Variants in ARHGAP19 observed in about 807,000 individuals in gnomAD.
ARHGAP19 encodes rho GTPase-activating protein 19.
Under a neutral mutation model 60.9 loss-of-function variants are expected in ARHGAP19, and 48 were observed. The ratio of observed to expected loss-of-function variants is 0.79; its 90% CI spans 0.62 to 1.00. The LOEUF (loss-of-function observed/expected upper bound fraction) is 1.00. Among genes scored for constraint, ARHGAP19 ranks in the 50% least tolerant of loss-of-function variants. The probability of loss-of-function intolerance (pLI) is 0.00; values close to 1 mark genes in which losing one functional copy is unlikely to be tolerated. For missense variants in ARHGAP19, 562 were observed against 597.2 expected (o/e 0.94, Z 0.61); for synonymous variants, 209 against 215.5 (o/e 0.97, Z 0.27).
chr10:97,265,729 T>G, intron 2 of ARHGAP19, 131 bp downstream of exon 2: 2 of 1,122,700 alleles, frequency 1.8e-6, no homozygotes, highest in Non-Finnish European at 2.5e-6. Flanking sequence ...GTGTTACTAC[T>G]TATAAAAACT....
chr10:97,268,626 G>GGCAAGAGA (rs1334222135), intron 1 of ARHGAP19, among the ~76,000 whole-genome samples: 1 of 152,182 alleles, frequency 6.6e-6, no homozygotes, highest in Non-Finnish European at 1.5e-5. Context: ...CGTGGCAGCA[G>GGCAAGAGA]GCAAGAGAGC....
At chr10:97,229,931 G>C in intron 9 of ARHGAP19, 57 bp from the exon 10 acceptor site, 1 of 1,242,822 alleles carries the variant, frequency 8.0e-7, no homozygotes, top group Non-Finnish European at 1.2e-6. Flanking sequence ...CTACAGTGGA[G>C]CTATACTAGC....
intron 1 of ARHGAP19, among the ~76,000 whole-genome samples, chr10:97,268,793 C>T (rs72835333): frequency 0.034 from 5,157 of 152,220 alleles, 148 homozygotes; most frequent in East Asian, 0.16. Flanking sequence ...GAATTCAAGA[C>T]GAGATTTGTG....
chr10:97,244,795 G>A (rs1468431202), intron 7 of ARHGAP19, among the ~76,000 whole-genome samples: 3 of 151,926 alleles, frequency 2.0e-5, no homozygotes, highest in South Asian at 2.1e-4. Flanking sequence ...TTGCACAAGC[G>A]GACAGCTTAA....
intron 1 of ARHGAP19, among the ~76,000 whole-genome samples, chr10:97,282,551 CTGTT>C (rs72209251): frequency 0.041 from 6,271 of 152,216 alleles, 199 homozygotes; most frequent in Non-Finnish European, 0.061. Context: ...ATGTGTAAGT[CTGTT>C]TGTCCCAGTA....
chr10:97,259,350 A>T (rs1842796480), intron 5 of ARHGAP19, 52 bp downstream of exon 5: 1 of 1,392,192 alleles, frequency 7.2e-7, no homozygotes, highest in Non-Finnish European at 1.0e-6. Flanking sequence ...CCATAGAATG[A>T]GGCCCAGCCC....
intron 9 of ARHGAP19, among the ~76,000 whole-genome samples, chr10:97,233,440 G>A (rs1216530943): frequency 2.6e-5 from 4 of 152,034 alleles, no homozygotes; most frequent in African/African-American, 9.7e-5. Flanking sequence ...TGTGTTGCTG[G>A]AATTATATAT....
At chr10:97,292,269 C>T (rs1316661297) in intron 1 of ARHGAP19, among the ~76,000 whole-genome samples, 1 of 152,230 alleles carries the variant, frequency 6.6e-6, no homozygotes, top group Non-Finnish European at 1.5e-5. Context: ...CTTCCGTTTC[C>T]TCGCCATCAA....
In ARHGAP19 at chr10:97,244,165, G is replaced by A. The variant is rs1324613705; in HGVS notation, c.994-6C>T. ...GCTATGAGGTCAAGGTCATCCTAAG[G>A]AAAATTTAAAAGAAGAGTAAATTAA... is the stretch of plus-strand genomic sequence containing the variant. On this transcript the variant is annotated splice_polypyrimidine_tract_variant and splice_region_variant and intron_variant, in intron 7 of 11. Transcript: ENST00000358531. 4 of 1,570,488 alleles carry A rather than the reference G, an allele frequency of 2.5e-6. No individual in the cohort carries two copies. The highest frequency in any genetic ancestry group is 3.4e-6 in the Non-Finnish European group (4 of 1,160,292).
intron 8 of ARHGAP19, among the ~76,000 whole-genome samples, chr10:97,242,495 G>A (rs1842504199): frequency 6.7e-6 from 1 of 148,776 alleles, no homozygotes; most frequent in Non-Finnish European, 1.5e-5. Flanking sequence ...CACCACACCC[G>A]GCTAATTTTT....
At chr10:97,237,701 T>C (rs1842403860) in intron 8 of ARHGAP19, among the ~76,000 whole-genome samples, 1 of 152,074 alleles carries the variant, frequency 6.6e-6, no homozygotes, top group Non-Finnish European at 1.5e-5. Flanking sequence ...TGAAACCTCA[T>C]CTGTACTAAA....
At chr10:97,283,371 A>G (rs1843111067) in intron 1 of ARHGAP19, among the ~76,000 whole-genome samples, 1 of 151,550 alleles carries the variant, frequency 6.6e-6, no homozygotes, top group Non-Finnish European at 1.5e-5. Context: ...CCTGGCCAAC[A>G]TGGTGATACC....
intron 8 of ARHGAP19, among the ~76,000 whole-genome samples, chr10:97,238,711 G>C (rs1242765347): frequency 6.6e-6 from 1 of 152,062 alleles, no homozygotes; most frequent in Admixed American, 6.6e-5. Flanking sequence ...AAGTAAAAAA[G>C]TTACAGTAAG....
At chr10:97,292,458 C>T (rs1228428267) in intron 1 of ARHGAP19, 114 bp downstream of exon 1, 5 of 1,363,008 alleles carry the variant, frequency 3.7e-6, no homozygotes, top group Admixed American at 1.9e-5. Flanking sequence ...TGAGAAACGC[C>T]GTGGGAGAAA....
At chr10:97,239,845 T>C (rs1165821731) in intron 8 of ARHGAP19, among the ~76,000 whole-genome samples, 7 of 151,722 alleles carry the variant, frequency 4.6e-5, no homozygotes, top group Non-Finnish European at 8.8e-5. Context: ...GTAGCTGGGA[T>C]TACAGGCCTG....
At chr10:97,267,969 C>T (rs901390824) in intron 1 of ARHGAP19, among the ~76,000 whole-genome samples, 2 of 152,242 alleles carry the variant, frequency 1.3e-5, no homozygotes, top group African/African-American at 4.8e-5. Flanking sequence ...GCATTTGGCT[C>T]CTCCTTATCT....
At chr10:97,231,949 C>T (rs1415184213) in intron 9 of ARHGAP19, among the ~76,000 whole-genome samples, 1 of 150,678 alleles carries the variant, frequency 6.6e-6, no homozygotes, top group African/African-American at 2.4e-5. Flanking sequence ...AAATTCTCCA[C>T]ATCCTCATCA....
At chr10:97,248,416 A>C (rs1401219459) in intron 6 of ARHGAP19, among the ~76,000 whole-genome samples, 2 of 152,096 alleles carry the variant, frequency 1.3e-5, no homozygotes, top group African/African-American at 4.8e-5. Flanking sequence ...TCTCCAAAAC[A>C]AGAAAAAAAA....
intron 1 of ARHGAP19, among the ~76,000 whole-genome samples, chr10:97,281,277 T>C (rs1463524084): frequency 6.6e-6 from 1 of 151,762 alleles, no homozygotes; most frequent in East Asian, 1.9e-4. Flanking sequence ...TGCTTGAGTC[T>C]ACGGTCCCAA....
Sources: allele counts gnomAD v4.1 joint callset (sites outside exome capture counted in the v4.1 genomes callset), GRCh38; gene constraint gnomAD v4.1.1; transcripts MANE v1.5; gene names NCBI Gene and HGNC (gene_info 2026-07-23, HGNC 2026-07-21).